The following CDH18 variants were observed in gnomAD, a reference collection of about 807,000 sequenced individuals.
CDH18 encodes cadherin-18.
CDH18 carries 31 observed loss-of-function variants against 67.9 expected under a neutral mutation model. The ratio of observed to expected loss-of-function variants is 0.46; its 90% CI spans 0.34 to 0.62. CDH18 has a LOEUF of 0.62. Among genes scored for constraint, CDH18 ranks in the 20% least tolerant of loss-of-function variants. CDH18 has a pLI of 0.01. For synonymous variants in CDH18, 362 were observed against 347.2 expected, an observed-to-expected ratio of 1.04 and a Z score of -0.48; for missense variants, 890 against 975.5, an observed-to-expected ratio of 0.91 and a Z score of 1.17.
At chr5:19,882,440 C>G (rs894869417) in intron 2 of CDH18, among the ~76,000 whole-genome samples, 1 of 151,860 alleles carries the variant, frequency 6.6e-6, no homozygotes, top group Non-Finnish European at 1.5e-5. Flanking sequence ...GTTTAATTTT[C>G]TTAGGATCAT....
chr5:20,404,420 C>T (rs1746047661), intron 1 of CDH18, among the ~76,000 whole-genome samples: 1 of 152,164 alleles, frequency 6.6e-6, no homozygotes, highest in African/African-American at 2.4e-5. Context: ...TCATTTCCAG[C>T]TTGCAATTTA....
At chr5:19,502,289 A>G (rs1184171631) in intron 11 of CDH18, among the ~76,000 whole-genome samples, 1 of 152,188 alleles carries the variant, frequency 6.6e-6, no homozygotes, top group African/African-American at 2.4e-5. Flanking sequence ...ACAAAGAAAA[A>G]GTTGATCCTA....
At chr5:20,537,618 T>C (rs1301187450) in intron 1 of CDH18, among the ~76,000 whole-genome samples, 2 of 152,044 alleles carry the variant, frequency 1.3e-5, no homozygotes, top group Non-Finnish European at 2.9e-5. Context: ...GGGTTGAAAA[T>C]ACCTTATATC....
At chr5:19,700,198 C>T (rs545523886) in intron 5 of CDH18, among the ~76,000 whole-genome samples, 2 of 152,224 alleles carry the variant, frequency 1.3e-5, no homozygotes, top group African/African-American at 2.4e-5. Context: ...AACCAGGGTT[C>T]CTAACCAAAC....
At chr5:20,437,634 G>A (rs1438101946) in intron 1 of CDH18, among the ~76,000 whole-genome samples, 1 of 151,320 alleles carries the variant, frequency 6.6e-6, no homozygotes, top group African/African-American at 2.4e-5. Context: ...TTCTCCAAGT[G>A]AATAGCCTTA....
chr5:19,903,529 C>CTG (rs1178620155), intron 2 of CDH18, among the ~76,000 whole-genome samples: 9 of 63,272 alleles, frequency 1.4e-4, no homozygotes, highest in African/African-American at 4.2e-4. Flanking sequence ...AATAATGACT[C>CTG]TGTGTGTGTG....
At chr5:20,468,040 A>C (rs1203303763) in intron 1 of CDH18, among the ~76,000 whole-genome samples, 2 of 138,964 alleles carry the variant, frequency 1.4e-5, no homozygotes, top group African/African-American at 5.4e-5. Context: ...TTTGAGACAG[A>C]GTCTAACTTT....
At chr5:20,061,897 C>T (rs1394038014) in intron 2 of CDH18, among the ~76,000 whole-genome samples, 4 of 151,976 alleles carry the variant, frequency 2.6e-5, no homozygotes, top group Non-Finnish European at 5.9e-5. Flanking sequence ...CTGACTTAGC[C>T]CTTGAAGTGG....
intron 2 of CDH18, among the ~76,000 whole-genome samples, chr5:20,151,644 T>C (rs1239362124): frequency 1.3e-5 from 2 of 152,134 alleles, no homozygotes; most frequent in Non-Finnish European, 2.9e-5. Context: ...CTCTCCAGCA[T>C]CTGTTGTTTT....
chr5:19,521,332 A>G (rs539918756), intron 9 of CDH18, among the ~76,000 whole-genome samples: 1 of 152,308 alleles, frequency 6.6e-6, no homozygotes, highest in East Asian at 1.9e-4. Flanking sequence ...CATACATGCA[A>G]TTTACATGTA....
chr5:20,148,723 C>G (rs1750863360), intron 2 of CDH18, among the ~76,000 whole-genome samples: 1 of 151,294 alleles, frequency 6.6e-6, no homozygotes, highest in Non-Finnish European at 1.5e-5. Flanking sequence ...AAAACCTTTA[C>G]TCATATAACA....
chr5:19,715,772 T>A lies in CDH18; in HGVS notation c.643+5575A>T, dbSNP rs962432263. On this transcript the variant is annotated intron_variant, in intron 5 of 12. Transcript: ENST00000382275. ...CAGATAAGACTATTTCAAATTCTCA[T>A]AATCATTCAAAATGTAGTAATTTTG... 3.9e-5 allele frequency among the ~76,000 whole-genome samples: 6 copies of A among 151,910 alleles called. No homozygotes were observed. The South Asian group carries it at 1.2e-3, about 32-fold the overall frequency.
At chr5:20,303,358 A>G (rs1301338072) in intron 1 of CDH18, among the ~76,000 whole-genome samples, 1 of 152,102 alleles carries the variant, frequency 6.6e-6, no homozygotes, top group African/African-American at 2.4e-5. Flanking sequence ...AAGAAGTAAC[A>G]CTACCTCATG....
chr5:19,573,139 A>G (rs1320202331), intron 7 of CDH18, among the ~76,000 whole-genome samples: 2 of 152,222 alleles, frequency 1.3e-5, no homozygotes, highest in East Asian at 3.8e-4. Context: ...TATATACAAT[A>G]CACATGCATT....
chr5:20,500,664 T>C (rs1301947860), intron 1 of CDH18, among the ~76,000 whole-genome samples: 1 of 152,168 alleles, frequency 6.6e-6, no homozygotes, highest in Non-Finnish European at 1.5e-5. Flanking sequence ...ATTAGGTAAA[T>C]ATCTTAGCAC....
intron 2 of CDH18, among the ~76,000 whole-genome samples, chr5:20,224,536 CTGTTT>C (rs1741462019): frequency 6.3e-5 from 9 of 143,986 alleles, no homozygotes; most frequent in African/African-American, 2.3e-4. Flanking sequence ...TTTTTCTCTT[CTGTTT>C]TAATATTTTA....
chr5:19,746,675 G>A (rs995675354), intron 4 of CDH18, among the ~76,000 whole-genome samples: 1 of 152,050 alleles, frequency 6.6e-6, no homozygotes, highest in Non-Finnish European at 1.5e-5. Flanking sequence ...AGTATTCCAC[G>A]TGTTTTCAAA....
intron 6 of CDH18, among the ~76,000 whole-genome samples, chr5:19,598,911 A>T (rs999728239): frequency 2.0e-5 from 3 of 152,156 alleles, no homozygotes; most frequent in East Asian, 1.9e-4. Flanking sequence ...TAAAATGTCA[A>T]ATTTGTATTT....
intron 8 of CDH18, among the ~76,000 whole-genome samples, chr5:19,555,687 C>T (rs551926893): frequency 6.6e-6 from 1 of 152,286 alleles, no homozygotes; most frequent in Admixed American, 6.5e-5. Context: ...CTGTACCTAC[C>T]CTGGTAGCCC....
Sources: gnomAD v4.1 joint callset for allele counts (sites outside exome capture counted in the v4.1 genomes callset) on GRCh38, gnomAD v4.1.1 for gene constraint, MANE v1.5 for transcripts, NCBI Gene and HGNC (gene_info 2026-07-23, HGNC 2026-07-21) for gene names.